The following RALGAPA2 variants were observed in gnomAD, a reference collection of about 807,000 sequenced individuals.
RALGAPA2 encodes ral GTPase-activating protein subunit alpha-2.
In RALGAPA2, 139 loss-of-function variants were observed where a neutral mutation model predicts 230.4. The observed-to-expected ratio is 0.60, with a 90% CI of 0.53 to 0.69. RALGAPA2 has a LOEUF of 0.69. Among genes scored for constraint, RALGAPA2 ranks in the 30% least tolerant of loss-of-function variants. The pLI is 0.00. For synonymous variants in RALGAPA2, 847 were observed against 837.8 expected (o/e 1.01, Z -0.19); for missense variants, 2,163 against 2,276.0 (o/e 0.95, Z 1.01).
chr20:20,413,893 C>T (rs2060113700), intron 37 of RALGAPA2, among the ~76,000 whole-genome samples: 1 of 152,252 alleles, frequency 6.6e-6, no homozygotes, highest in African/African-American at 2.4e-5. Flanking sequence ...GCCAAACTTC[C>T]TCAGCGAGAG....
chr20:20,687,723 T>C (rs1291899414), intron 1 of RALGAPA2, among the ~76,000 whole-genome samples: 2 of 152,114 alleles, frequency 1.3e-5, no homozygotes, highest in Non-Finnish European at 2.9e-5. Context: ...TGCAACACTA[T>C]TATAGAAATG....
intron 38 of RALGAPA2, among the ~76,000 whole-genome samples, chr20:20,397,600 A>G (rs2059744480): frequency 1.3e-5 from 2 of 152,192 alleles, no homozygotes; most frequent in Admixed American, 1.3e-4. Flanking sequence ...GACATTTATC[A>G]GTGACGTGGA....
chr20:20,525,219 A>G (rs1463732136), intron 28 of RALGAPA2, among the ~76,000 whole-genome samples: 1 of 152,224 alleles, frequency 6.6e-6, no homozygotes, highest in Non-Finnish European at 1.5e-5. Flanking sequence ...AAATACTTCT[A>G]AAAATAATTA....
Position 20,472,965 on chromosome 20 carries a change from T to C in RALGAPA2, c.5368-9A>G. ...GGCCCAAAAAATGGAACCTGTTGATTTGAAATGGAAAAACAAATTTTAAAA... is the reference window on the plus strand; with the variant it reads ...GGCCCAAAAAATGGAACCTGTTGATCTGAAATGGAAAAACAAATTTTAAAA... On this transcript the variant is annotated splice_polypyrimidine_tract_variant and intron_variant, in intron 36 of 39. Transcript: ENST00000202677. The C allele has an allele frequency of 6.3e-7, 1 of 1,589,152 alleles. No individual in the cohort carries two copies. Among genetic ancestry groups the C allele is most frequent in the South Asian group, 1.2e-5 (1 of 86,596 alleles).
chr20:20,583,070 G>A lies in RALGAPA2; in HGVS notation c.2687C>T (p.Thr896Ile), dbSNP rs1342593417. ...TTTACCTGTTAAATTTGAAGCATCGGTGGGACTCAGTTGTAACCAATGACG... is the reference window on the plus strand; with the variant it reads ...TTTACCTGTTAAATTTGAAGCATCGATGGGACTCAGTTGTAACCAATGACG... ...DARHWLQLSP[T>I]DASNLTDSSE... is the part of the protein sequence containing the mutation. Residue 896 changes from threonine to isoleucine, a missense_variant, in exon 20 of 40, where the codon ACC (threonine) becomes ATC (isoleucine). Physicochemically the swap from Thr to Ile is moderately conservative, Grantham distance 89. Transcript: ENST00000202677. 2 of 1,613,162 alleles carry A rather than the reference G, an allele frequency of 1.2e-6. No individual in the cohort carries two copies. Among genetic ancestry groups the A allele is most frequent in the African/African-American group, 2.7e-5 (2 of 74,846 alleles).
intron 36 of RALGAPA2, among the ~76,000 whole-genome samples, chr20:20,480,100 T>C (rs1002086778): frequency 6.6e-6 from 1 of 152,238 alleles, no homozygotes; most frequent in Non-Finnish European, 1.5e-5. Context: ...AATGAAATGA[T>C]AGATGTGTTC....
chr20:20,668,036 T>C (rs1010285193), intron 3 of RALGAPA2, among the ~76,000 whole-genome samples: 1 of 152,178 alleles, frequency 6.6e-6, no homozygotes, highest in African/African-American at 2.4e-5. Flanking sequence ...CAAAGTCCCC[T>C]GCATTACAAG....
In RALGAPA2 at chr20:20,398,913, A is replaced by C. The variant is rs2059773359; in HGVS notation, c.5618-2179T>G. On this transcript the variant is annotated intron_variant, in intron 38 of 39. Coordinates refer to ENST00000202677, the MANE Select transcript of RALGAPA2 (RefSeq NM_020343.4). The surrounding 1 kb of genome is among the most constrained non-coding windows in gnomAD (Gnocchi z 4.5). ...ACCCCTTGGGGTGGCAAAATAGCCT[A>C]CTCTTTATATGCATACAGCACAGGT... 6.6e-6 allele frequency among the ~76,000 whole-genome samples: 1 copy of C among 152,126 alleles called. No homozygotes were observed.
At chr20:20,449,882 C>T (rs1198907113) in intron 37 of RALGAPA2, among the ~76,000 whole-genome samples, 3 of 152,084 alleles carry the variant, frequency 2.0e-5, no homozygotes, top group Non-Finnish European at 4.4e-5. Flanking sequence ...AAGAATGGCC[C>T]GAAGACATGT....
chr20:20,676,441 T>C (rs1189947193), intron 2 of RALGAPA2, among the ~76,000 whole-genome samples, 153 bp from the exon 3 acceptor site: 2 of 135,862 alleles, frequency 1.5e-5, no homozygotes, highest in African/African-American at 2.8e-5. Context: ...CACATTAGGA[T>C]TGCAAACAGA....
intron 36 of RALGAPA2, among the ~76,000 whole-genome samples, chr20:20,484,290 G>A (rs566999578): frequency 1.3e-5 from 2 of 152,262 alleles, no homozygotes; most frequent in East Asian, 1.9e-4. Flanking sequence ...AGTAAAATGT[G>A]TTCAATCCTA....
intron 23 of RALGAPA2, among the ~76,000 whole-genome samples, chr20:20,560,929 T>C (rs1005876200): frequency 6.6e-6 from 1 of 152,260 alleles, no homozygotes; most frequent in African/African-American, 2.4e-5. Flanking sequence ...TATCTTTCCC[T>C]TCCCAAAGTC....
chr20:20,664,657 G>A (rs2067897775), intron 3 of RALGAPA2, among the ~76,000 whole-genome samples: 2 of 152,084 alleles, frequency 1.3e-5, no homozygotes, highest in South Asian at 2.1e-4. Context: ...TTCAGTTTTG[G>A]TACTAGCACT....
At chr20:20,394,289 C>T (rs2059659831) in intron 39 of RALGAPA2, among the ~76,000 whole-genome samples, 1 of 152,126 alleles carries the variant, frequency 6.6e-6, no homozygotes, top group African/African-American at 2.4e-5. Flanking sequence ...TCCTGAAATT[C>T]AGTACTTTCA....
rs144509329 is a variant in RALGAPA2, at chr20:20,678,342, C to A, written c.218-2054G>T. On this transcript the variant is annotated intron_variant, in intron 2 of 39. Transcript: ENST00000202677. ...TTTTTATTGGTTCTTCACTATGATT[C>A]TTTGCAGTAGATTGCAAGAATGGCC... 7.1e-4 allele frequency among the ~76,000 whole-genome samples: 108 copies of A among 152,252 alleles called. 1 individual carries two copies. The highest frequency in any genetic ancestry group is 2.6e-3 in the African/African-American group (107 of 41,540).
chr20:20,601,238 G>A (rs924279708), intron 16 of RALGAPA2, among the ~76,000 whole-genome samples: 3 of 152,218 alleles, frequency 2.0e-5, no homozygotes, highest in Admixed American at 6.5e-5. Flanking sequence ...CCACAGGCAT[G>A]AAAAGGCTCA....
At chr20:20,604,938 C>T (rs2065773004) in intron 15 of RALGAPA2, among the ~76,000 whole-genome samples, 1 of 152,126 alleles carries the variant, frequency 6.6e-6, no homozygotes, top group African/African-American at 2.4e-5. Flanking sequence ...TGTTAGTTAT[C>T]ACTACTATTA....
At chr20:20,680,270 C>A (rs1448829487) in intron 2 of RALGAPA2, among the ~76,000 whole-genome samples, 1 of 152,184 alleles carries the variant, frequency 6.6e-6, no homozygotes, top group Non-Finnish European at 1.5e-5. Context: ...CATATATAAA[C>A]ATAATACATT....
In RALGAPA2 at chr20:20,571,593, T is replaced by C. The variant is rs181964294; in HGVS notation, c.3021A>G (p.Glu1007=). The C allele has an allele frequency of 2.2e-5, 35 of 1,611,366 alleles. No individual in the cohort carries two copies. The Admixed American group carries it at 3.0e-4, about 14-fold the overall frequency. The change falls in exon 23 of 40, where the codon GAA becomes GAG. Residue 1007 remains glutamate, a synonymous_variant. Transcript: ENST00000202677. The stretch of plus-strand genomic sequence containing the variant: ...AGGCTTGTAGTTTGCCTTCCTTATA[T>C]TCATTTGGCAGTGTCGCCGCCTGTC... ...WLFKAATLPN[E]YKEGKLQAYR... is the part of the protein sequence containing the mutation.
Sources: allele counts gnomAD v4.1 joint callset (sites outside exome capture counted in the v4.1 genomes callset), GRCh38; gene constraint gnomAD v4.1.1; non-coding constraint Gnocchi (gnomAD v3.1); transcripts MANE v1.5; gene names NCBI Gene and HGNC (gene_info 2026-07-23, HGNC 2026-07-21).